Variants in CSMD1 observed in about 807,000 individuals in gnomAD.
CSMD1 encodes the protein CUB and Sushi multiple domains 1.
CSMD1 carries 213 observed loss-of-function variants against 417.5 expected under a neutral mutation model. That is an observed-to-expected ratio of 0.51 (90% CI 0.46 to 0.57). The LOEUF (loss-of-function observed/expected upper bound fraction) is 0.57. Ranked by LOEUF, CSMD1 falls within the 20% of genes least tolerant of loss-of-function variation. The probability of loss-of-function intolerance (pLI) is 0.00; values close to 1 mark genes in which losing one functional copy is unlikely to be tolerated. For missense variants in CSMD1, 6,923 were observed against 4,529.7 expected (o/e 1.53, Z -15.17); for synonymous variants, 2,862 against 1,736.8 (o/e 1.65, Z -16.11).
At chr8:4,454,883 C>T (rs1175215344) in intron 2 of CSMD1, among the ~76,000 whole-genome samples, 1 of 152,118 alleles carries the variant, frequency 6.6e-6, no homozygotes, top group Non-Finnish European at 1.5e-5. Flanking sequence ...AAATGGCGTC[C>T]TGTGATACAC....
intron 1 of CSMD1, among the ~76,000 whole-genome samples, chr8:4,906,701 C>G (rs1252067564): frequency 1.3e-5 from 2 of 152,030 alleles, no homozygotes; most frequent in Non-Finnish European, 2.9e-5. Flanking sequence ...GGACTACAGG[C>G]GCATGCCACC....
intron 3 of CSMD1, among the ~76,000 whole-genome samples, chr8:4,225,370 A>T (rs748659803): frequency 2.6e-5 from 4 of 152,192 alleles, no homozygotes; most frequent in Non-Finnish European, 5.9e-5. Flanking sequence ...AACAATATAC[A>T]TCGTGTTTCT....
In CSMD1 at chr8:4,163,674, C is replaced by A. The variant is rs534479569; in HGVS notation, c.416-131575G>T. 2.6e-5 allele frequency among the ~76,000 whole-genome samples: 4 copies of A among 152,096 alleles called. No individual in the cohort carries two copies. The East Asian group carries it at 7.7e-4, about 29-fold the overall frequency. On this transcript the variant is annotated intron_variant, in intron 3 of 69. Transcript: ENST00000635120. The stretch of plus-strand genomic sequence containing the variant: ...AAAATTCAAGGAAATAATTTTAAAA[C>A]AAGAAGTAACATATAAATAATAAAA...
At chr8:4,784,731 G>A (rs369172242) in intron 1 of CSMD1, among the ~76,000 whole-genome samples, 1 of 152,176 alleles carries the variant, frequency 6.6e-6, no homozygotes, top group African/African-American at 2.4e-5. Context: ...GTTAATAAGA[G>A]ATTTAAATGA....
intron 2 of CSMD1, among the ~76,000 whole-genome samples, chr8:4,550,100 G>T (rs190703233): frequency 6.6e-6 from 1 of 151,566 alleles, no homozygotes; most frequent in African/African-American, 2.4e-5. Flanking sequence ...TGGGTTGCTC[G>T]GTAGAAACGG....
chr8:4,136,353 C>T (rs1223878759), intron 3 of CSMD1, among the ~76,000 whole-genome samples: 5 of 152,122 alleles, frequency 3.3e-5, no homozygotes, highest in African/African-American at 7.2e-5. Context: ...AAATATTCAT[C>T]GCTGAGCACA....
At chr8:3,573,435 T>C (rs1303722826) in intron 10 of CSMD1, among the ~76,000 whole-genome samples, 2 of 152,194 alleles carry the variant, frequency 1.3e-5, no homozygotes, top group African/African-American at 4.8e-5. Context: ...TACTGAGAAA[T>C]ACCAGAATCA....
chr8:4,239,275 G>C (rs754002890), intron 3 of CSMD1, among the ~76,000 whole-genome samples: 1 of 152,188 alleles, frequency 6.6e-6, no homozygotes. Context: ...GATGTACTCT[G>C]TTGCATCAAC....
At chr8:4,188,849 A>T (rs1007131037) in intron 3 of CSMD1, among the ~76,000 whole-genome samples, 4 of 151,338 alleles carry the variant, frequency 2.6e-5, no homozygotes, top group African/African-American at 9.7e-5. Flanking sequence ...AAAAAAAACG[A>T]AATGTTTCTG....
At chr8:3,214,372 C>T in intron 30 of CSMD1, 125 bp downstream of exon 30, 4 of 766,002 alleles carry the variant, frequency 5.2e-6, no homozygotes, top group South Asian at 2.1e-5. Flanking sequence ...TCCACACTAG[C>T]TCTCTAAGCA....
Position 4,377,298 on chromosome 8 carries a change from G to C in CSMD1, c.415+42655C>G, listed in dbSNP as rs1417420043. Reference sequence around the variant, plus strand: ...ACAGAGAGAGCAAAAGGGAGGAGGAGAAGTCACCACAGCCCAAAACCTTGG... The same window carrying C: ...ACAGAGAGAGCAAAAGGGAGGAGGACAAGTCACCACAGCCCAAAACCTTGG... On this transcript the variant is annotated intron_variant, in intron 3 of 69. Coordinates refer to ENST00000635120, the MANE Select transcript of CSMD1 (RefSeq NM_033225.6). 2.0e-5 allele frequency among the ~76,000 whole-genome samples: 3 copies of C among 152,300 alleles called. No homozygotes were observed. In the East Asian group the frequency reaches 5.8e-4, roughly 29 times the overall value.
At chr8:3,241,790 C>T (rs928548942) in intron 26 of CSMD1, among the ~76,000 whole-genome samples, 29 of 152,034 alleles carry the variant, frequency 1.9e-4, no homozygotes, top group Non-Finnish European at 5.9e-5. Context: ...ACAGTGGAGG[C>T]AAGGAACTGC....
At chr8:4,123,180 G>C (rs941337683) in intron 3 of CSMD1, among the ~76,000 whole-genome samples, 3 of 152,170 alleles carry the variant, frequency 2.0e-5, no homozygotes, top group Non-Finnish European at 2.9e-5. Flanking sequence ...TTTATAACTC[G>C]GCTACATGAT....
intron 10 of CSMD1, 138 bp downstream of exon 10, chr8:3,574,807 A>C: frequency 2.1e-6 from 2 of 950,270 alleles, no homozygotes; most frequent in South Asian, 1.9e-5. Flanking sequence ...GCATCTAGAC[A>C]CAGGATGCAG....
At chr8:4,376,551 T>G (rs1373811108) in intron 3 of CSMD1, among the ~76,000 whole-genome samples, 1 of 152,204 alleles carries the variant, frequency 6.6e-6, no homozygotes, top group Non-Finnish European at 1.5e-5. Flanking sequence ...TAATTTTATC[T>G]CATATATTTG....
chr8:4,206,815 T>C (rs1358593186), intron 3 of CSMD1, among the ~76,000 whole-genome samples: 1 of 152,230 alleles, frequency 6.6e-6, no homozygotes, highest in African/African-American at 2.4e-5. Context: ...CTAATATTTA[T>C]GACTTTTGAG....
At chr8:3,453,382 T>C (rs1815879813) in intron 12 of CSMD1, among the ~76,000 whole-genome samples, 1 of 152,212 alleles carries the variant, frequency 6.6e-6, no homozygotes, top group Non-Finnish European at 1.5e-5. Context: ...CTTGCTTCTC[T>C]GGTTTTTTTA....
intron 2 of CSMD1, among the ~76,000 whole-genome samples, chr8:4,631,942 C>T (rs17070912): frequency 0.086 from 13,151 of 152,164 alleles, 664 homozygotes; most frequent in African/African-American, 0.14. Flanking sequence ...TTCATAGATT[C>T]GCCTTTATTC....
intron 1 of CSMD1, among the ~76,000 whole-genome samples, chr8:4,904,365 T>A (rs543188647): frequency 2.6e-5 from 4 of 152,122 alleles, no homozygotes; most frequent in Non-Finnish European, 4.4e-5. Flanking sequence ...TGCAAGAAGG[T>A]TGGGTTTTAA....
Sources: allele counts gnomAD v4.1 joint callset (sites outside exome capture counted in the v4.1 genomes callset), GRCh38; gene constraint gnomAD v4.1.1; transcripts MANE v1.5; gene names NCBI Gene and HGNC (gene_info 2026-07-23, HGNC 2026-07-21).